The following STX18 variants were observed in gnomAD, a reference collection of about 807,000 sequenced individuals.
STX18 encodes the protein syntaxin 18, also known as syntaxin-18.
A neutral mutation model predicts 50.1 loss-of-function variants in STX18; 40 were observed. The observed-to-expected ratio is 0.80, with a 90% confidence interval of 0.62 to 1.04. The LOEUF (loss-of-function observed/expected upper bound fraction) is 1.04, where lower values mean the gene tolerates loss of function less well. Ranked by LOEUF, STX18 falls within the 50% of genes least tolerant of loss-of-function variation. The pLI is 0.00. For synonymous variants in STX18, 158 were observed against 151.8 expected, an observed-to-expected ratio of 1.04 and a Z score of -0.30; for missense variants, 410 against 415.8, an observed-to-expected ratio of 0.99 and a Z score of 0.12.
At chr4:4,504,945 A>T (rs1729630409) in intron 1 of STX18, among the ~76,000 whole-genome samples, 1 of 152,238 alleles carries the variant, frequency 6.6e-6, no homozygotes, top group African/African-American at 2.4e-5. Context: ...CATAGCAAAC[A>T]ATTCATCCAT....
chr4:4,457,598 TTTTAAAACACAGC>T, intron 3 of STX18, 98 bp from the exon 4 acceptor site: 1 of 885,068 alleles, frequency 1.1e-6, no homozygotes, highest in Non-Finnish European at 1.8e-6. Flanking sequence ...TGAGAGTATT[TTTTAAAACACAGC>T]TATAAAACAA....
At chr4:4,457,283 A>C in intron 4 of STX18, 26 bp from the exon 5 acceptor site, 1 of 1,610,434 alleles carries the variant, frequency 6.2e-7, no homozygotes, top group Non-Finnish European at 8.5e-7. Context: ...ATACCAGAAG[A>C]GAGACTGCTT....
At chr4:4,530,334 G>T (rs1259250534) in intron 1 of STX18, among the ~76,000 whole-genome samples, 2 of 151,358 alleles carry the variant, frequency 1.3e-5, no homozygotes, top group African/African-American at 2.4e-5. Context: ...ATTGTAATTG[G>T]TTTGGGTAGT....
chr4:4,524,811 T>G (rs1203391757), intron 1 of STX18, among the ~76,000 whole-genome samples: 2 of 152,234 alleles, frequency 1.3e-5, no homozygotes, highest in African/African-American at 4.8e-5. Context: ...CTCTGTAACT[T>G]ATAACCTTAG....
intron 1 of STX18, among the ~76,000 whole-genome samples, chr4:4,504,726 T>C (rs1729619084): frequency 6.6e-6 from 1 of 152,142 alleles, no homozygotes. Flanking sequence ...TCATTAGCTA[T>C]TAGAGAAATG....
chr4:4,429,177 G>T (rs1725403421), intron 7 of STX18, among the ~76,000 whole-genome samples: 1 of 152,086 alleles, frequency 6.6e-6, no homozygotes, highest in Non-Finnish European at 1.5e-5. Flanking sequence ...TCTCCATATG[G>T]GTTGCATAAA....
chr4:4,527,942 G>C (rs984958812), intron 1 of STX18, among the ~76,000 whole-genome samples: 2 of 151,550 alleles, frequency 1.3e-5, no homozygotes, highest in Non-Finnish European at 2.9e-5. Context: ...GCATGGGGAA[G>C]ACATCCCTTA....
chr4:4,538,832 G>A (rs1164064446), intron 1 of STX18, among the ~76,000 whole-genome samples: 3 of 152,020 alleles, frequency 2.0e-5, no homozygotes, highest in Non-Finnish European at 4.4e-5. Flanking sequence ...CACTTCAAAT[G>A]AGTTAACTAA....
chr4:4,446,321 C>T (rs1198712390), intron 5 of STX18, among the ~76,000 whole-genome samples: 1 of 152,004 alleles, frequency 6.6e-6, no homozygotes, highest in Non-Finnish European at 1.5e-5. Flanking sequence ...TAATAAAATT[C>T]AACTTCCTCA....
At chr4:4,450,629 A>G (rs1726694859) in intron 5 of STX18, among the ~76,000 whole-genome samples, 1 of 151,870 alleles carries the variant, frequency 6.6e-6, no homozygotes, top group Non-Finnish European at 1.5e-5. Context: ...TATTTGATCT[A>G]TTCTCCTAAA....
intron 1 of STX18, among the ~76,000 whole-genome samples, chr4:4,480,301 C>T (rs1728394222): frequency 6.6e-6 from 1 of 152,196 alleles, no homozygotes; most frequent in African/African-American, 2.4e-5. Context: ...CTGTACATTA[C>T]CTTCCCCTTT....
Position 4,438,456 on chromosome 4 carries a change from T to A in STX18, c.551A>T (p.Glu184Val), listed in dbSNP as rs61740788. The change falls in exon 6 of 11, where the codon GAG becomes GTG. Residue 184 changes from glutamate (E) to valine (V), a missense_variant. Coordinates refer to ENST00000306200, the MANE Select transcript of STX18 (RefSeq NM_016930.4). ...TTTTGAAGGACTCTGTGAAACTTTC[T>A]CAGAAGATGTGGATTCTCTTGTCTT... ...NTKTRESTSSEKVSQSPSKDS... is the reference protein window; with the variant it reads ...NTKTRESTSSVKVSQSPSKDS... 6.6e-5 allele frequency: 107 copies of A among 1,613,914 alleles called. 4 individuals are homozygous for A. In the South Asian group the frequency reaches 1.2e-3, roughly 17 times the overall value.
At chr4:4,507,524 G>A (rs1216564787) in intron 1 of STX18, 6 of 769,600 alleles carry the variant, frequency 7.8e-6, no homozygotes, top group Non-Finnish European at 1.4e-5. Context: ...ATTCGAAAAA[G>A]CCGCACAAAA....
chr4:4,434,838 G>C lies in STX18; in HGVS notation c.634C>G (p.Gln212Glu). ...TCTCCCCACGTTCCCAATTCAGGTT[G>C]TGTTTCAGCCAAAATTTTTTCTGTT... ...ERPEKILAET[Q>E]PELGTWGDGK... Residue 212 changes from glutamine (Q) to glutamate (E), a missense_variant, in exon 7 of 11, where the codon CAA becomes GAA. Physicochemically the swap from Gln to Glu is conservative, Grantham distance 29. Coordinates refer to ENST00000306200, the MANE Select transcript of STX18 (RefSeq NM_016930.4). 1 of 1,600,368 alleles carries C rather than the reference G, an allele frequency of 6.2e-7. No individual in the cohort carries two copies. Among genetic ancestry groups the C allele is most frequent in the Non-Finnish European group, 8.5e-7 (1 of 1,176,268 alleles).
chr4:4,435,553 G>C (rs1159890914), intron 6 of STX18, among the ~76,000 whole-genome samples: 2 of 152,162 alleles, frequency 1.3e-5, no homozygotes, highest in Non-Finnish European at 2.9e-5. Context: ...GGTCCAAGTA[G>C]ATCTACCTTG....
At chr4:4,430,582 G>T (rs1481330011) in intron 7 of STX18, among the ~76,000 whole-genome samples, 2 of 152,192 alleles carry the variant, frequency 1.3e-5, no homozygotes, top group African/African-American at 4.8e-5. Flanking sequence ...AGTGTTACTG[G>T]GAGTGGCCGC....
In STX18 at chr4:4,472,172, T is replaced by C. The variant is rs559000682; in HGVS notation, c.169-466A>G. 2.0e-4 allele frequency among the ~76,000 whole-genome samples: 31 copies of C among 152,278 alleles called. No individual in the cohort carries two copies. In the South Asian group the frequency reaches 6.2e-3, roughly 31 times the overall value. On this transcript the variant is annotated intron_variant, in intron 1 of 10. Coordinates refer to ENST00000306200, the MANE Select transcript of STX18 (RefSeq NM_016930.4). ...GCAAAGATTCAGGGGTAACAATTTA[T>C]CCCCACATAGCAAATCTCTGTCTTT... is the stretch of plus-strand genomic sequence containing the variant.
intron 6 of STX18, among the ~76,000 whole-genome samples, chr4:4,437,846 T>A (rs1725870061): frequency 6.6e-6 from 1 of 152,236 alleles, no homozygotes; most frequent in African/African-American, 2.4e-5. Flanking sequence ...TATGTCCCCC[T>A]ACATTTTCGG....
At chr4:4,477,014 A>G (rs773031304) in intron 1 of STX18, among the ~76,000 whole-genome samples, 10 of 152,284 alleles carry the variant, frequency 6.6e-5, no homozygotes, top group Non-Finnish European at 1.5e-4. Context: ...AGACTGGCCA[A>G]CATGGCGAAA....
Sources: gnomAD v4.1 joint callset for allele counts (sites outside exome capture counted in the v4.1 genomes callset) on GRCh38, gnomAD v4.1.1 for gene constraint, MANE v1.5 for transcripts, NCBI Gene and HGNC (gene_info 2026-07-23, HGNC 2026-07-21) for gene names.